KSR2: variants seen among roughly 807,000 people sequenced by gnomAD.
The protein encoded by KSR2 is kinase suppressor of ras 2.
KSR2 carries 25 observed loss-of-function variants against 107.8 expected under a neutral mutation model. The ratio of observed to expected loss-of-function variants is 0.23; its 90% CI spans 0.17 to 0.32. The LOEUF (loss-of-function observed/expected upper bound fraction) is 0.32. KSR2 is among the 10% of genes least tolerant of loss of function. KSR2 has a pLI of 1.00. For synonymous variants in KSR2, 480 were observed against 507.0 expected (o/e 0.95, Z 0.71); for missense variants, 887 against 1,268.9 (o/e 0.70, Z 4.57).
chr12:117,782,545 G>A (rs973927035), intron 3 of KSR2, among the ~76,000 whole-genome samples: 9 of 152,180 alleles, frequency 5.9e-5, no homozygotes, highest in Non-Finnish European at 1.0e-4. Flanking sequence ...GATTACAAGC[G>A]TGAGCCACTG....
In KSR2 at chr12:117,968,321, AGGTAG is replaced by A; in HGVS notation, c.-71_-67del. 1 of 1,431,560 alleles carries A rather than the reference AGGTAG, an allele frequency of 7.0e-7. No homozygotes were observed. The highest frequency in any genetic ancestry group is 2.6e-5 in the East Asian group (1 of 38,784). The allele number at this position is 1,431,560 out of a possible 1,614,324, so 88.7% of individuals were successfully genotyped here. A position where few individuals can be genotyped will look rare whatever the true frequency, so the allele number is the denominator to read the frequency against. On this transcript the variant is annotated 5_prime_UTR_variant, in exon 1 of 20. Transcript: ENST00000339824. ...AGAGAAAAAAGAGGGGGGGGAGTAG[AGGTAG>A]TCTACCCTCCGCCTCTCCAACCACT...
At chr12:117,740,258 T>C (rs1164953098) in intron 4 of KSR2, among the ~76,000 whole-genome samples, 2 of 148,950 alleles carry the variant, frequency 1.3e-5, no homozygotes, top group Non-Finnish European at 1.5e-5. Context: ...ATGCCATTAA[T>C]TCATTCCTTT....
intron 14 of KSR2, among the ~76,000 whole-genome samples, chr12:117,495,734 G>C (rs922062570): frequency 6.6e-6 from 1 of 152,184 alleles, no homozygotes; most frequent in Non-Finnish European, 1.5e-5. Context: ...CTTCTCCCCA[G>C]AACTGAATCT....
intron 1 of KSR2, among the ~76,000 whole-genome samples, chr12:117,911,904 T>C (rs1895028838): frequency 6.6e-6 from 1 of 152,224 alleles, no homozygotes; most frequent in African/African-American, 2.4e-5. Flanking sequence ...GGAGAACCAC[T>C]TGCCCTGGGC....
intron 5 of KSR2, among the ~76,000 whole-genome samples, chr12:117,654,172 T>C (rs1050463678): frequency 1.3e-5 from 2 of 152,222 alleles, no homozygotes; most frequent in African/African-American, 4.8e-5. Flanking sequence ...GAACTGCCTA[T>C]CATGAACTGG....
At chr12:117,468,579 G>A (rs562120102) in intron 19 of KSR2, among the ~76,000 whole-genome samples, 5 of 152,274 alleles carry the variant, frequency 3.3e-5, no homozygotes, top group South Asian at 4.2e-4. Flanking sequence ...TCAGGACGCC[G>A]CCTTGGGGAA....
At chr12:117,827,936 T>C (rs141141307) in intron 3 of KSR2, among the ~76,000 whole-genome samples, 68 of 152,328 alleles carry the variant, frequency 4.5e-4, no homozygotes, top group Middle Eastern at 3.4e-3. Context: ...TATTCTTATG[T>C]ATGACCCTTC....
chr12:117,517,794 T>C (rs550296690), intron 14 of KSR2: 30 of 454,584 alleles, frequency 6.6e-5, no homozygotes, highest in South Asian at 4.1e-4. Flanking sequence ...GGGGACGGAA[T>C]CTTCATGTGC....
intron 3 of KSR2, among the ~76,000 whole-genome samples, chr12:117,829,713 T>A (rs1848776365): frequency 6.6e-6 from 1 of 152,222 alleles, no homozygotes; most frequent in African/African-American, 2.4e-5. Context: ...CTGTTGCAAC[T>A]AATCAATTCA....
chr12:117,864,379 T>C (rs1040880492), intron 1 of KSR2, among the ~76,000 whole-genome samples: 2 of 152,188 alleles, frequency 1.3e-5, no homozygotes, highest in Non-Finnish European at 2.9e-5. Flanking sequence ...AGTTACCCCA[T>C]ACATATAGAT....
chr12:117,616,463 G>A (rs1036182959), intron 5 of KSR2, among the ~76,000 whole-genome samples: 1 of 152,156 alleles, frequency 6.6e-6, no homozygotes, highest in Non-Finnish European at 1.5e-5. Context: ...CTTTTCTCTG[G>A]AGATGTGAGG....
intron 12 of KSR2, among the ~76,000 whole-genome samples, chr12:117,527,507 G>T (rs1347497773): frequency 6.6e-6 from 1 of 152,172 alleles, no homozygotes; most frequent in African/African-American, 2.4e-5. Context: ...AGTCCTCAGA[G>T]CTGTATATGT....
intron 9 of KSR2, among the ~76,000 whole-genome samples, chr12:117,547,633 G>A (rs970902059): frequency 4.6e-5 from 7 of 152,108 alleles, no homozygotes; most frequent in Non-Finnish European, 1.0e-4. Context: ...TGTGGTGTTT[G>A]GCTGGGGTAG....
chr12:117,802,236 T>C (rs1378311015), intron 3 of KSR2, among the ~76,000 whole-genome samples: 1 of 152,052 alleles, frequency 6.6e-6, no homozygotes. Context: ...AAGCCGTTGG[T>C]GTAGCATCTT....
chr12:117,634,555 T>G (rs1229576747), intron 5 of KSR2, among the ~76,000 whole-genome samples: 3 of 151,654 alleles, frequency 2.0e-5, no homozygotes, highest in Admixed American at 6.6e-5. Flanking sequence ...CTTATGGGAG[T>G]CATCCTTTTC....
At chr12:117,686,968 T>TGGCG (rs1476729564) in intron 4 of KSR2, among the ~76,000 whole-genome samples, 1 of 152,188 alleles carries the variant, frequency 6.6e-6, no homozygotes, top group Non-Finnish European at 1.5e-5. Flanking sequence ...ATGCTGGGGC[T>TGGCG]GGCGGGCTGG....
At chr12:117,569,614 T>A (rs1426775968) in intron 7 of KSR2, among the ~76,000 whole-genome samples, 1 of 152,160 alleles carries the variant, frequency 6.6e-6, no homozygotes, top group African/African-American at 2.4e-5. Flanking sequence ...TGTCTTTAGT[T>A]AGTAAAGACC....
chr12:117,725,113 C>G (rs957054551), intron 4 of KSR2, among the ~76,000 whole-genome samples: 46 of 151,264 alleles, frequency 3.0e-4, no homozygotes, highest in African/African-American at 1.1e-3. Context: ...CACACACACA[C>G]CCCAAAAACA....
chr12:117,896,931 G>A (rs954745537), intron 1 of KSR2, among the ~76,000 whole-genome samples: 1 of 152,154 alleles, frequency 6.6e-6, no homozygotes, highest in Non-Finnish European at 1.5e-5. Flanking sequence ...TCACCCTCCT[G>A]TTAGGTGAGG....
Sources: gnomAD v4.1 joint callset for allele counts (sites outside exome capture counted in the v4.1 genomes callset) on GRCh38, gnomAD v4.1.1 for gene constraint, MANE v1.5 for transcripts, NCBI Gene and HGNC (gene_info 2026-07-23, HGNC 2026-07-21) for gene names.